Variants in CUX1 observed in about 807,000 individuals in gnomAD.
CUX1 encodes protein CASP.
A neutral mutation model predicts 158.8 loss-of-function variants in CUX1; 31 were observed. That is an observed-to-expected ratio of 0.20 (90% CI 0.15 to 0.26). The LOEUF is 0.26. Among genes scored for constraint, CUX1 ranks in the 10% least tolerant of loss-of-function variants. The pLI is 1.00. For synonymous variants in CUX1, 879 were observed against 862.1 expected (o/e 1.02, Z -0.34); for missense variants, 1,589 against 2,014.6 (o/e 0.79, Z 4.04).
chr7:102,280,632 C>T (rs910138246), intron 19 of CUX1, among the ~76,000 whole-genome samples: 1 of 152,074 alleles, frequency 6.6e-6, no homozygotes, highest in African/African-American at 2.4e-5. Flanking sequence ...GAATGTCACA[C>T]TGAGTAGACT....
chr7:102,196,581 T>C, intron 14 of CUX1, 53 bp from the exon 15 acceptor site: 1 of 1,408,406 alleles, frequency 7.1e-7, no homozygotes. Flanking sequence ...TCTTGGTTTT[T>C]TTTTCCCCCT....
intron 1 of CUX1, among the ~76,000 whole-genome samples, chr7:101,829,932 T>C (rs892225013): frequency 4.6e-5 from 7 of 152,184 alleles, no homozygotes; most frequent in Non-Finnish European, 8.8e-5. Context: ...GCAAGTTTGT[T>C]GGGACAGTTT....
At chr7:102,282,982 C>CA (rs1413723024) in intron 22 of CUX1, 11 of 1,553,172 alleles carry the variant, frequency 7.1e-6, no homozygotes, top group Non-Finnish European at 9.8e-6. Flanking sequence ...TTCCCCAACA[C>CA]ACACACTCGG....
intron 1 of CUX1, among the ~76,000 whole-genome samples, chr7:101,877,636 G>A (rs1172750594): frequency 2.6e-5 from 4 of 152,154 alleles, no homozygotes; most frequent in African/African-American, 7.2e-5. Context: ...TCAGTGAGCC[G>A]AGACCGTCCC....
intron 8 of CUX1, among the ~76,000 whole-genome samples, chr7:102,120,182 C>T (rs895515975): frequency 1.3e-5 from 2 of 152,166 alleles, no homozygotes; most frequent in African/African-American, 4.8e-5. Context: ...GCAGGAATGT[C>T]GCCCTCCCAG....
chr7:102,250,228 T>C lies in CUX1; in HGVS notation c.*1186T>C. 1 of 985,442 alleles carries C rather than the reference T, an allele frequency of 1.0e-6. No individual in the cohort carries two copies. Among genetic ancestry groups the C allele is most frequent in the Non-Finnish European group, 1.2e-6 (1 of 829,942 alleles). 61.0% of individuals were successfully genotyped at this position (985,442 alleles called of 1,614,324 possible). ...GTTTAATTTATGGTGTCTCAATCTGTCTGTGCGTCTGCACGTGTGCAAGCA... is the reference window on the plus strand; with the variant it reads ...GTTTAATTTATGGTGTCTCAATCTGCCTGTGCGTCTGCACGTGTGCAAGCA... On this transcript the variant is annotated 3_prime_UTR_variant, in exon 24 of 24. Transcript: ENST00000292535.
chr7:102,082,168 C>G (rs1554478986), intron 4 of CUX1, among the ~76,000 whole-genome samples: 1 of 147,124 alleles, frequency 6.8e-6, no homozygotes, highest in Non-Finnish European at 1.5e-5. Context: ...CTTTGCACAG[C>G]AGGCAGACGG....
chr7:102,216,644 C>G lies in CUX1; in HGVS notation c.3131-10723C>G, dbSNP rs565850920. On this transcript the variant is annotated intron_variant, in intron 20 of 23. Transcript: ENST00000292535. ...CCACACACACACCCCCACACACGCA[C>G]ACACACACACTCTCCCACACACACT... Among the ~76,000 whole-genome samples, 3 of 110,878 alleles carry G rather than the reference C, an allele frequency of 2.7e-5. No homozygotes were observed. In the East Asian group the frequency reaches 8.5e-4, roughly 31 times the overall value. 72.7% of individuals were successfully genotyped at this position (110,878 alleles called of 152,430 possible).
chr7:101,836,657 G>A (rs1794663225), intron 1 of CUX1, among the ~76,000 whole-genome samples: 1 of 144,194 alleles, frequency 6.9e-6, no homozygotes, highest in South Asian at 2.2e-4. Flanking sequence ...GCCTGGCCAA[G>A]GCTCTGAGAG....
chr7:102,009,297 G>A (rs1381589371), intron 2 of CUX1, among the ~76,000 whole-genome samples: 3 of 152,182 alleles, frequency 2.0e-5, no homozygotes, highest in African/African-American at 7.2e-5. Context: ...GACGCTGACC[G>A]CACAAATGAT....
At chr7:101,839,093 C>A (rs1794931448) in intron 1 of CUX1, among the ~76,000 whole-genome samples, 1 of 152,140 alleles carries the variant, frequency 6.6e-6, no homozygotes, top group African/African-American at 2.4e-5. Flanking sequence ...TACACTAATC[C>A]CATCATGAGG....
chr7:102,037,574 A>C (rs1435317974), intron 3 of CUX1, among the ~76,000 whole-genome samples: 1 of 150,336 alleles, frequency 6.7e-6, no homozygotes, highest in East Asian at 2.0e-4. Flanking sequence ...CTGGTCTCGA[A>C]CTCCCAACCT....
At chr7:102,239,240 C>A in intron 22 of CUX1, 80 bp from the exon 23 acceptor site, 1 of 1,486,520 alleles carries the variant, frequency 6.7e-7, no homozygotes, top group Non-Finnish European at 9.0e-7. Flanking sequence ...CGGCACTGTG[C>A]CGTCCCGCTA....
chr7:101,907,408 G>A (rs992794238), intron 1 of CUX1, among the ~76,000 whole-genome samples: 1 of 152,018 alleles, frequency 6.6e-6, no homozygotes, highest in Non-Finnish European at 1.5e-5. Flanking sequence ...GAGTGCAATG[G>A]CACAATCTCG....
chr7:102,185,277 C>G (rs782505099), intron 11 of CUX1, among the ~76,000 whole-genome samples: 2 of 152,224 alleles, frequency 1.3e-5, no homozygotes, highest in Non-Finnish European at 2.9e-5. Context: ...TGTGCCCACA[C>G]TGTACTAAGC....
chr7:102,193,636 C>T (rs1238762452), intron 12 of CUX1, among the ~76,000 whole-genome samples: 1 of 152,126 alleles, frequency 6.6e-6, no homozygotes, highest in Non-Finnish European at 1.5e-5. Flanking sequence ...GAAACCCCGT[C>T]TCTACTAGAA....
intron 3 of CUX1, among the ~76,000 whole-genome samples, chr7:102,060,592 TACACACACACAAATAAACACAC>T (rs1475578475): frequency 5.8e-5 from 5 of 86,954 alleles, no homozygotes; most frequent in Non-Finnish European, 9.8e-5. Flanking sequence ...TATATATATA[TACACACACACAAATAAACACAC>T]ACACACACAC....
At chr7:102,072,019 T>G (rs1176406137) in intron 4 of CUX1, among the ~76,000 whole-genome samples, 3 of 152,208 alleles carry the variant, frequency 2.0e-5, no homozygotes, top group Non-Finnish European at 4.4e-5. Context: ...CTGACTGAGC[T>G]TCACGAGGAG....
intron 1 of CUX1, among the ~76,000 whole-genome samples, chr7:101,853,836 G>C (rs1796529232): frequency 6.6e-6 from 1 of 152,096 alleles, no homozygotes; most frequent in African/African-American, 2.4e-5. Context: ...GCATGTGCTG[G>C]GATATTCACT....
Sources: allele counts gnomAD v4.1 joint callset (sites outside exome capture counted in the v4.1 genomes callset), GRCh38; gene constraint gnomAD v4.1.1; transcripts MANE v1.5; gene names NCBI Gene and HGNC (gene_info 2026-07-23, HGNC 2026-07-21).